CIT: variants seen among roughly 807,000 people sequenced by gnomAD.
CIT encodes citron Rho-interacting kinase.
A neutral mutation model predicts 272.7 loss-of-function variants in CIT; 79 were observed. The observed-to-expected ratio is 0.29, with a 90% CI of 0.24 to 0.35. CIT has a LOEUF of 0.35. Ranked by LOEUF, CIT falls within the 10% of genes least tolerant of loss-of-function variation. The probability of loss-of-function intolerance (pLI) is 1.00; values close to 1 mark genes in which losing one functional copy is unlikely to be tolerated. For synonymous variants in CIT, 948 were observed against 995.6 expected, an observed-to-expected ratio of 0.95 and a Z score of 0.90; for missense variants, 1,909 against 2,618.3, an observed-to-expected ratio of 0.73 and a Z score of 5.91.
rs780029082 is a variant in CIT at position 119,782,578 on chromosome 12, T to C, written c.1605A>G (p.Ala535=). 518 of 1,614,082 alleles carry C rather than the reference T, an allele frequency of 3.2e-4. No homozygotes were observed. Among genetic ancestry groups the C allele is most frequent in the Middle Eastern group, 4.9e-4 (3 of 6,084 alleles). ...RMEVSQEDDK[A]LQLLHDIREQ... Reference sequence around the variant, plus strand: ...CTCTGATATCATGGAGAAGCTGCAGTGCTTTGTCATCCTCCTGGGACACCT... The same window carrying C: ...CTCTGATATCATGGAGAAGCTGCAGCGCTTTGTCATCCTCCTGGGACACCT... Residue 535 remains alanine, a synonymous_variant, in exon 13 of 48, where the codon GCA becomes GCG. Transcript: ENST00000392521.
At chr12:119,815,173 A>C (rs1967059184) in intron 9 of CIT, among the ~76,000 whole-genome samples, 1 of 151,642 alleles carries the variant, frequency 6.6e-6, no homozygotes, top group Admixed American at 6.6e-5. Flanking sequence ...TTCTAAAGGC[A>C]GGACACTAAA....
At chr12:119,798,759 G>GA (rs1965948652) in intron 10 of CIT, among the ~76,000 whole-genome samples, 1 of 152,176 alleles carries the variant, frequency 6.6e-6, no homozygotes, top group Non-Finnish European at 1.5e-5. Context: ...CTACTTGGGG[G>GA]AATGGACAGA....
rs1956300570 is a variant in CIT at position 119,697,597 on chromosome 12, TCCTTCTG to T, written c.5882+55_5882+61del. ...AACATTCTACTGGTTTAGTATCACTTCCTTCTGCCTTGCAGAAAAGCACGTTGCCCCT... is the reference window on the plus strand; with the variant it reads ...AACATTCTACTGGTTTAGTATCACTTCCTTGCAGAAAAGCACGTTGCCCCT... On this transcript the variant is annotated intron_variant, in intron 46 of 47. Coordinates refer to ENST00000392521, the MANE Select transcript of CIT (RefSeq NM_001206999.2). The surrounding 1 kb of genome is among the most constrained non-coding windows in gnomAD (Gnocchi z 4.9). 2 of 1,501,632 alleles carry T rather than the reference TCCTTCTG, an allele frequency of 1.3e-6. No homozygotes were observed. Among genetic ancestry groups the T allele is most frequent in the Non-Finnish European group, 1.8e-6 (2 of 1,099,466 alleles). 93.0% of individuals were successfully genotyped at this position (1,501,632 alleles called of 1,614,324 possible).
At position 119,710,747 on chromosome 12, in the gene CIT, C is replaced by A; in HGVS notation, c.4855-127G>T. 1.1e-6 allele frequency: 1 copy of A among 896,230 alleles called. No homozygotes were observed. 55.5% of individuals were successfully genotyped at this position (896,230 alleles called of 1,614,324 possible). ...ATTCCTGGAAATGCTCAGAAACGCA[C>A]ATATGCTCTTAGCTCAGCCCGTATT... is the stretch of plus-strand genomic sequence containing the variant. On this transcript the variant is annotated intron_variant, in intron 37 of 47. Coordinates refer to ENST00000392521, the MANE Select transcript of CIT (RefSeq NM_001206999.2). This position sits in a 1 kb window ranked among gnomAD's most constrained non-coding sequence, Gnocchi z 5.6.
At chr12:119,738,079 A>G (rs1440176563) in intron 24 of CIT, among the ~76,000 whole-genome samples, 2 of 152,192 alleles carry the variant, frequency 1.3e-5, no homozygotes, top group Non-Finnish European at 2.9e-5. Context: ...AGATGGGGAA[A>G]TTGGGGAAAC....
At chr12:119,864,967 C>A (rs1333422130) in intron 3 of CIT, among the ~76,000 whole-genome samples, 2 of 152,138 alleles carry the variant, frequency 1.3e-5, no homozygotes, top group Admixed American at 1.3e-4. Flanking sequence ...AAATCTCCAT[C>A]CCTATAGGAA....
At chr12:119,789,697 TTTG>T (rs1593755069) in intron 10 of CIT, among the ~76,000 whole-genome samples, 1 of 152,132 alleles carries the variant, frequency 6.6e-6, no homozygotes, top group African/African-American at 2.4e-5. Context: ...ATTTTCTTTT[TTTG>T]TTTTTTGTTT....
chr12:119,714,974 A>T (rs1957373036), intron 32 of CIT, among the ~76,000 whole-genome samples: 1 of 152,192 alleles, frequency 6.6e-6, no homozygotes, highest in South Asian at 2.1e-4. Context: ...CCCCACCCAA[A>T]TCTCATCTTG....
At chr12:119,787,233 G>A (rs2137734815) in intron 10 of CIT, among the ~76,000 whole-genome samples, 1 of 152,104 alleles carries the variant, frequency 6.6e-6, no homozygotes, top group East Asian at 1.9e-4. Flanking sequence ...CCAAAGTGCT[G>A]GGATTACAGG....
At chr12:119,821,705 T>C (rs938334379) in intron 9 of CIT, among the ~76,000 whole-genome samples, 1 of 152,222 alleles carries the variant, frequency 6.6e-6, no homozygotes, top group East Asian at 1.9e-4. Flanking sequence ...AAAGAAAGTC[T>C]ATTACATCTT....
At chr12:119,733,312 T>C (rs1328612240) in intron 26 of CIT, among the ~76,000 whole-genome samples, 1 of 151,702 alleles carries the variant, frequency 6.6e-6, no homozygotes, top group Non-Finnish European at 1.5e-5. Context: ...GGTGGATCAC[T>C]TGAGGTCAGG....
At chr12:119,722,358 C>T (rs1388695120) in intron 28 of CIT, among the ~76,000 whole-genome samples, 1 of 152,144 alleles carries the variant, frequency 6.6e-6, no homozygotes, top group Non-Finnish European at 1.5e-5. Context: ...GAGAGCTACT[C>T]AAAGCAATAA....
Position 119,700,828 on chromosome 12 carries a change from G to A in CIT, c.5543-3C>T. On this transcript the variant is annotated splice_polypyrimidine_tract_variant and splice_region_variant and intron_variant, in intron 43 of 47. Transcript: ENST00000392521. ...AGAATCCACGAACACTCCAAATTCT[G>A]CAAGGTGTCAAGAGCACGTGGGCAT... The A allele has an allele frequency of 6.2e-7, 1 of 1,613,354 alleles. No homozygotes were observed. Among genetic ancestry groups the A allele is most frequent in the South Asian group, 1.1e-5 (1 of 91,044 alleles).
Position 119,784,143 on chromosome 12 carries a change from C to T in CIT, c.1402-92G>A. ...GTAGCCTCCGAAACCACCTGGTGGT[C>T]TGGGCTAAGGCTAATTCGCCAAAAG... On this transcript the variant is annotated intron_variant, in intron 11 of 47. Coordinates refer to ENST00000392521, the MANE Select transcript of CIT (RefSeq NM_001206999.2). The surrounding 1 kb of genome is among the most constrained non-coding windows in gnomAD (Gnocchi z 4.7). 6.2e-7 allele frequency: 1 copy of T among 1,612,210 alleles called. No individual in the cohort carries two copies. Among genetic ancestry groups the T allele is most frequent in the Non-Finnish European group, 8.5e-7 (1 of 1,179,026 alleles).
intron 9 of CIT, among the ~76,000 whole-genome samples, chr12:119,816,016 G>T (rs541347157): frequency 1.3e-5 from 2 of 152,272 alleles, no homozygotes; most frequent in East Asian, 3.9e-4. Context: ...CGGGCTCCAT[G>T]ACCTCATTTG....
chr12:119,872,903 G>A (rs1950725161), intron 2 of CIT, among the ~76,000 whole-genome samples: 1 of 152,034 alleles, frequency 6.6e-6, no homozygotes, highest in Non-Finnish European at 1.5e-5. Flanking sequence ...CCCCAGAGAT[G>A]CCCCCACCTC....
chr12:119,714,272 G>A lies in CIT; in HGVS notation c.4231C>T (p.Leu1411=), dbSNP rs753839865. 1 of 1,614,164 alleles carries A rather than the reference G, an allele frequency of 6.2e-7. No homozygotes were observed. Residue 1411 remains leucine (L), a synonymous_variant, in exon 33 of 48, where the codon CTG becomes TTG. Transcript: ENST00000392521. ...HNIPHRFNVG[L]NMRATKCAVC... ...GCACACTTTGTGGCTCGCATGTTCA[G>A]TCCTACGTTGAATCGGTGAGGAATA...
intron 32 of CIT, among the ~76,000 whole-genome samples, chr12:119,717,991 C>G (rs1287348375): frequency 3.3e-5 from 5 of 151,586 alleles, no homozygotes; most frequent in African/African-American, 1.2e-4. Context: ...CAGGCATACA[C>G]TACCATGCCC....
In CIT at chr12:119,864,259, C is replaced by A. The variant is rs138909554; in HGVS notation, c.238+4801G>T. Among the ~76,000 whole-genome samples, 1,445 of 152,168 alleles carry A rather than the reference C, an allele frequency of 9.5e-3. 13 individuals are homozygous for A. Among genetic ancestry groups the A allele is most frequent in the South Asian group, 0.024 (114 of 4,818 alleles). On this transcript the variant is annotated intron_variant, in intron 3 of 47. Transcript: ENST00000392521. ...CTACTGTCAAATTGCCAATAACAGCCCAATTTTGACAATTATCAACACTTT... is the reference window on the plus strand; with the variant it reads ...CTACTGTCAAATTGCCAATAACAGCACAATTTTGACAATTATCAACACTTT...
Sources: gnomAD v4.1 joint callset for allele counts (sites outside exome capture counted in the v4.1 genomes callset) on GRCh38, gnomAD v4.1.1 for gene constraint, Gnocchi (gnomAD v3.1) non-coding constraint, MANE v1.5 for transcripts, NCBI Gene and HGNC (gene_info 2026-07-23, HGNC 2026-07-21) for gene names.